RNF130: variants seen among roughly 807,000 people sequenced by gnomAD.
RNF130 encodes the protein E3 ubiquitin-protein ligase RNF130.
RNF130 carries 21 observed loss-of-function variants against 44.6 expected under a neutral mutation model. The ratio of observed to expected loss-of-function variants is 0.47; its 90% CI spans 0.33 to 0.68. The LOEUF is 0.68. Ranked by LOEUF, RNF130 falls within the 30% of genes least tolerant of loss-of-function variation. The pLI is 0.02. For missense variants in RNF130, 479 were observed against 560.6 expected, an observed-to-expected ratio of 0.85 and a Z score of 1.47; for synonymous variants, 214 against 210.4, an observed-to-expected ratio of 1.02 and a Z score of -0.15.
intron 6 of RNF130, among the ~76,000 whole-genome samples, chr5:179,969,923 G>A (rs377246767): frequency 4.6e-5 from 7 of 152,124 alleles, no homozygotes; most frequent in Non-Finnish European, 7.4e-5. Context: ...CCTGGGAGGC[G>A]GAGGTTGCAG....
At chr5:179,934,657 C>T (rs1761862748) in intron 7 of RNF130, among the ~76,000 whole-genome samples, 1 of 151,126 alleles carries the variant, frequency 6.6e-6, no homozygotes, top group Non-Finnish European at 1.5e-5. Context: ...GATCCTGCTG[C>T]CTCAGCCTCC....
At chr5:179,994,134 T>C (rs1030992924) in intron 3 of RNF130, among the ~76,000 whole-genome samples, 18 of 152,248 alleles carry the variant, frequency 1.2e-4, no homozygotes, top group African/African-American at 4.3e-4. Context: ...TGTAGCCTTG[T>C]AGTATAGTTT....
intron 1 of RNF130, among the ~76,000 whole-genome samples, chr5:180,056,379 G>C (rs1278450756): frequency 6.6e-6 from 1 of 152,142 alleles, no homozygotes; most frequent in African/African-American, 2.4e-5. Context: ...GGCTAGAAGG[G>C]AGCCACAGAC....
chr5:179,976,718 C>T (rs1439082307), intron 5 of RNF130: 4 of 147,448 alleles, frequency 2.7e-5, no homozygotes, highest in East Asian at 2.0e-4. Flanking sequence ...AAAAACAGAT[C>T]TTCCTAGACT....
At chr5:179,965,195 A>G (rs1762412494) in intron 7 of RNF130, among the ~76,000 whole-genome samples, 1 of 152,146 alleles carries the variant, frequency 6.6e-6, no homozygotes, top group Non-Finnish European at 1.5e-5. Context: ...ACCATCATAA[A>G]ACACCCAATA....
intron 8 of RNF130, among the ~76,000 whole-genome samples, chr5:179,959,381 A>T (rs1174674679): frequency 1.3e-5 from 2 of 152,092 alleles, no homozygotes; most frequent in Non-Finnish European, 2.9e-5. Flanking sequence ...TAATCCCAGC[A>T]CTTTGGGAGG....
chr5:179,940,549 T>TTTC (rs2113682367), intron 7 of RNF130, among the ~76,000 whole-genome samples: 1 of 152,324 alleles, frequency 6.6e-6, no homozygotes, highest in African/African-American at 2.4e-5. Flanking sequence ...AATTGTTCAC[T>TTTC]TTCAAATGGT....
At chr5:179,986,075 C>T (rs1165198649) in intron 3 of RNF130, among the ~76,000 whole-genome samples, 1 of 152,208 alleles carries the variant, frequency 6.6e-6, no homozygotes, top group Non-Finnish European at 1.5e-5. Context: ...TTTAAGTTGT[C>T]ATATAATGAC....
At chr5:180,036,559 T>C (rs1300930727) in intron 2 of RNF130, among the ~76,000 whole-genome samples, 1 of 152,202 alleles carries the variant, frequency 6.6e-6, no homozygotes, top group East Asian at 1.9e-4. Flanking sequence ...GTCTAGAAGT[T>C]TTTCAAAGCA....
At chr5:179,913,700 A>T (rs1043504874) in exon 8 of RNF130, 1 of 152,196 alleles carries the variant, frequency 6.6e-6, no homozygotes, top group Admixed American at 6.5e-5. Context: ...ATACCCACAA[A>T]AAAGAGGGTG....
At chr5:180,044,837 A>AT (rs1475929633) in intron 1 of RNF130, among the ~76,000 whole-genome samples, 1 of 152,018 alleles carries the variant, frequency 6.6e-6, no homozygotes, top group Non-Finnish European at 1.5e-5. Flanking sequence ...GTCTCAAAAA[A>AT]AAAAAATAAA....
chr5:180,016,065 T>C (rs1042385951), intron 2 of RNF130, among the ~76,000 whole-genome samples: 2 of 152,140 alleles, frequency 1.3e-5, no homozygotes, highest in Non-Finnish European at 2.9e-5. Context: ...GTGGCGTCAT[T>C]ACACCAGCAC....
At chr5:180,001,545 G>C (rs1482031958) in intron 3 of RNF130, among the ~76,000 whole-genome samples, 1 of 152,190 alleles carries the variant, frequency 6.6e-6, no homozygotes, top group Non-Finnish European at 1.5e-5. Flanking sequence ...GCCTGACTAG[G>C]TAGAAGGGGC....
chr5:180,019,123 G>A (rs891568248), intron 2 of RNF130, among the ~76,000 whole-genome samples: 4 of 152,126 alleles, frequency 2.6e-5, no homozygotes, highest in Non-Finnish European at 5.9e-5. Flanking sequence ...GGTGGCTCAC[G>A]CCTGTAATCC....
In RNF130 at chr5:179,978,979, T is replaced by A. The variant is rs1457313570; in HGVS notation, c.766-694A>T. Among the ~76,000 whole-genome samples the A allele has an allele frequency of 2.0e-5, 3 of 152,186 alleles. No homozygotes were observed. In the East Asian group the frequency reaches 5.8e-4, roughly 29 times the overall value. On this transcript the variant is annotated intron_variant, in intron 4 of 8. Transcript: ENST00000521389. ...CCAAGAAAACAGACTATTTGCTGTG[T>A]CACTGTCACTTGGACTGAAACTCAG...
intron 6 of RNF130, among the ~76,000 whole-genome samples, chr5:179,968,274 G>A (rs772290958): frequency 2.0e-5 from 3 of 152,026 alleles, no homozygotes; most frequent in Admixed American, 6.6e-5. Flanking sequence ...CAGCCTGGGC[G>A]ACAGAGCAAG....
rs558547708 is a variant in RNF130 at position 180,071,732 on chromosome 5, G to A, written c.-30C>T. ...CCTCCGGCAGCCGCCGCTGCTCGCGGACCGGGCTCCGGGGCCGGCGCCTAG... is the reference window on the plus strand; with the variant it reads ...CCTCCGGCAGCCGCCGCTGCTCGCGAACCGGGCTCCGGGGCCGGCGCCTAG... On this transcript the variant is annotated 5_prime_UTR_variant, in exon 1 of 9. Coordinates refer to ENST00000521389, the MANE Select transcript of RNF130 (RefSeq NM_018434.6). 1.1e-4 allele frequency: 133 copies of A among 1,210,188 alleles called. No individual in the cohort carries two copies. In the East Asian group the frequency reaches 3.8e-3, roughly 35 times the overall value. The allele number at this position is 1,210,188 out of a possible 1,614,324, so 75.0% of individuals were successfully genotyped here.
At chr5:179,979,603 A>G (rs1049866839) in intron 4 of RNF130, among the ~76,000 whole-genome samples, 1 of 152,116 alleles carries the variant, frequency 6.6e-6, no homozygotes, top group Non-Finnish European at 1.5e-5. Context: ...GGGCTCTACC[A>G]TAACTAGAGC....
chr5:180,070,844 T>G (rs1325423180), intron 1 of RNF130, among the ~76,000 whole-genome samples: 4 of 152,182 alleles, frequency 2.6e-5, no homozygotes, highest in Non-Finnish European at 5.9e-5. Flanking sequence ...ACCCGTGACC[T>G]GAAAAGCCTT....
Sources: gnomAD v4.1 joint callset for allele counts (sites outside exome capture counted in the v4.1 genomes callset) on GRCh38, gnomAD v4.1.1 for gene constraint, MANE v1.5 for transcripts, NCBI Gene and HGNC (gene_info 2026-07-23, HGNC 2026-07-21) for gene names.